ZNF320: variants seen among roughly 807,000 people sequenced by gnomAD.
ZNF320 encodes the protein zinc finger gene 320.
Under a neutral mutation model 6.8 loss-of-function variants are expected in ZNF320, and 2 were observed. That is an observed-to-expected ratio of 0.29 (90% CI 0.12 to 0.93). The LOEUF (loss-of-function observed/expected upper bound fraction) is 0.93, where lower values mean the gene tolerates loss of function less well. Among genes scored for constraint, ZNF320 ranks in the 40% least tolerant of loss-of-function variants. ZNF320 has a pLI of 0.55. For missense variants in ZNF320, 472 were observed against 611.0 expected (o/e 0.77, Z 2.40); for synonymous variants, 208 against 203.2 (o/e 1.02, Z -0.20).
At chr19:52,903,296 G>A in the ZNF320 span, among the ~76,000 whole-genome samples, 1 of 152,162 alleles carries the variant, frequency 6.6e-6, no homozygotes, top group Admixed American at 6.6e-5. Context: ...ATTATCCTTT[G>A]CTATTAATAA....
chr19:52,892,712 CA>C (rs1568729276), intron 2 of ZNF320, among the ~76,000 whole-genome samples: 6 of 152,036 alleles, frequency 3.9e-5, no homozygotes, highest in South Asian at 2.1e-4. Context: ...CATCTCTGTG[CA>C]TCCTCTGCTC....
chr19:52,882,051 A>AT, intron 5 of ZNF320, 68 bp from the exon 6 acceptor site: 1 of 1,407,486 alleles, frequency 7.1e-7, no homozygotes, highest in South Asian at 1.4e-5. Flanking sequence ...AAATGTATAA[A>AT]TATCACACAC....
At chr19:52,873,074 A>G (rs930827856), downstream of ZNF320, among the ~76,000 whole-genome samples, 1 of 152,156 alleles carries the variant, frequency 6.6e-6, no homozygotes, top group Non-Finnish European at 1.5e-5. Context: ...ATCTCAGTAA[A>G]TAGAATGTAC....
chr19:52,886,023 C>A (rs1041107938), intron 5 of ZNF320, among the ~76,000 whole-genome samples: 1 of 152,122 alleles, frequency 6.6e-6, no homozygotes, highest in African/African-American at 2.4e-5. Context: ...TATGAAAAAA[C>A]ACTGTACATA....
At chr19:52,889,311 C>G (rs898830510) in intron 4 of ZNF320, among the ~76,000 whole-genome samples, 2 of 151,922 alleles carry the variant, frequency 1.3e-5, no homozygotes, top group African/African-American at 2.4e-5. Context: ...AGGAAATGCC[C>G]CATCCTAGAT....
chr19:52,887,642 AGCGGT>A (rs1321488025), intron 5 of ZNF320, among the ~76,000 whole-genome samples: 1 of 152,176 alleles, frequency 6.6e-6, no homozygotes, highest in East Asian at 1.9e-4. Flanking sequence ...GCTGGAGTGC[AGCGGT>A]GTGTTCTCGG....
chr19:52,862,708 A>C, exon 6 of ZNF320: 1 of 519,552 alleles, frequency 1.9e-6, no homozygotes. Context: ...TATGTTCTGC[A>C]AGGAGTGAAT....
exon 6 of ZNF320, chr19:52,862,896 TG>T: frequency 3.5e-6 from 1 of 285,296 alleles, no homozygotes. Flanking sequence ...TAGCTGGGTA[TG>T]GTGGATTCCG....
chr19:52,890,984 C>T (rs1350314573), intron 3 of ZNF320, among the ~76,000 whole-genome samples: 1 of 151,812 alleles, frequency 6.6e-6, no homozygotes, highest in Non-Finnish European at 1.5e-5. Context: ...AACCCTGTCT[C>T]TTACTAAAAA....
intron 5 of ZNF320, among the ~76,000 whole-genome samples, chr19:52,886,426 C>T (rs2064079957): frequency 6.6e-6 from 1 of 152,136 alleles, no homozygotes; most frequent in Non-Finnish European, 1.5e-5. Context: ...AGCCACTGCA[C>T]CTGGCCAGGT....
chr19:52,867,863 C>T (rs2063604950), intron 5 of ZNF320, among the ~76,000 whole-genome samples: 1 of 151,850 alleles, frequency 6.6e-6, no homozygotes. Flanking sequence ...CTGCCCGTCT[C>T]GGCCGCCCAA....
Position 52,881,934 on chromosome 19 carries a change from G to A in ZNF320, c.192C>T (p.Gly64=). The stretch of plus-strand genomic sequence containing the variant: ...TCCCTGTGTGGATCACTTCTGTATT[G>A]CCTTGCCCTGTTGATGACAATGTAT... ...MMNTLSSTGQ[G]NTEVIHTGTL... is the part of the protein sequence containing the mutation. Residue 64 remains glycine, a synonymous_variant, in exon 6 of 6, where the codon GGC becomes GGT. Transcript: ENST00000682928. The A allele has an allele frequency of 6.2e-7, 1 of 1,608,886 alleles. No individual in the cohort carries two copies. The highest frequency in any genetic ancestry group is 1.1e-5 in the South Asian group (1 of 90,154).
chr19:52,887,519 C>G (rs2064132943), intron 5 of ZNF320, among the ~76,000 whole-genome samples: 1 of 152,138 alleles, frequency 6.6e-6, no homozygotes. Context: ...GGCTATCTTC[C>G]AAGAACTAAT....
At chr19:52,896,568 G>C (rs575387022) in intron 1 of ZNF320, among the ~76,000 whole-genome samples, 1 of 152,210 alleles carries the variant, frequency 6.6e-6, no homozygotes, top group South Asian at 2.1e-4. Flanking sequence ...AATTAGCGCG[G>C]TGTGGTGGCG....
Position 52,876,893 on chromosome 19 carries a change from G to C in ZNF320, c.*3703C>G, listed in dbSNP as rs1424212320. ...AGGCCAATACGGCTGGATCGCTTGA[G>C]CCCTGGAATTCAAGACCAGCTCGGG... On this transcript the variant is annotated 3_prime_UTR_variant, in exon 6 of 6. Coordinates refer to ENST00000682928, the MANE Select transcript of ZNF320 (RefSeq NM_001351774.2). 6.6e-6 allele frequency: 1 copy of C among 152,048 alleles called. No individual in the cohort carries two copies. The highest frequency in any genetic ancestry group is 1.5e-5 in the Non-Finnish European group (1 of 68,046). 9.4% of individuals were successfully genotyped at this position (152,048 alleles called of 1,614,324 possible).
At chr19:52,868,407 C>T (rs940362794) in intron 5 of ZNF320, among the ~76,000 whole-genome samples, 8 of 151,450 alleles carry the variant, frequency 5.3e-5, no homozygotes, top group African/African-American at 1.9e-4. Flanking sequence ...TTGGGAGCCT[C>T]AGGCAGGAGA....
chr19:52,873,483 G>A (rs1243174133), downstream of ZNF320, among the ~76,000 whole-genome samples: 2 of 152,140 alleles, frequency 1.3e-5, no homozygotes, highest in African/African-American at 4.8e-5. Context: ...GTGAGCACAG[G>A]GTTGGGGCTA....
intron 3 of ZNF320, among the ~76,000 whole-genome samples, chr19:52,890,543 G>A (rs1223832874): frequency 6.6e-6 from 1 of 152,172 alleles, no homozygotes; most frequent in Non-Finnish European, 1.5e-5. Flanking sequence ...GCTGGGATGA[G>A]CTCCCCTTCA....
At chr19:52,895,348 C>G (rs142533170) in intron 1 of ZNF320, 2 of 152,202 alleles carry the variant, frequency 1.3e-5, no homozygotes, top group African/African-American at 2.4e-5. Context: ...CCTGTAATCC[C>G]GGCTACTGGG....
Sources: allele counts gnomAD v4.1 joint callset (sites outside exome capture counted in the v4.1 genomes callset), GRCh38; gene constraint gnomAD v4.1.1; transcripts MANE v1.5; gene names NCBI Gene and HGNC (gene_info 2026-07-23, HGNC 2026-07-21).